The following ROBO2 variants were observed in gnomAD, a reference collection of about 807,000 sequenced individuals.
The protein encoded by ROBO2 is roundabout guidance receptor 2, also known as roundabout homolog 2.
In ROBO2, 53 loss-of-function variants were observed where a neutral mutation model predicts 160.8. The ratio of observed to expected loss-of-function variants is 0.33; its 90% confidence interval spans 0.26 to 0.41. The LOEUF (loss-of-function observed/expected upper bound fraction) is 0.41, where lower values mean the gene tolerates loss of function less well. Among genes scored for constraint, ROBO2 ranks in the 10% least tolerant of loss-of-function variants. The pLI, the probability that ROBO2 is intolerant of heterozygous loss-of-function variation, is 1.00. For synonymous variants in ROBO2, 664 were observed against 611.7 expected, an observed-to-expected ratio of 1.09 and a Z score of -1.26; for missense variants, 1,577 against 1,722.4, an observed-to-expected ratio of 0.92 and a Z score of 1.49.
chr3:77,057,569 A>ATTTTTTTTTTTTTT (rs71104648), intron 1 of ROBO2, among the ~76,000 whole-genome samples: 3 of 105,266 alleles, frequency 2.8e-5, no homozygotes, highest in East Asian at 3.1e-4. Context: ...ATTCCAGAGG[A>ATTTTTTTTTTTTTT]TTTTTTTTTT....
intron 2 of ROBO2, among the ~76,000 whole-genome samples, chr3:76,579,130 A>G (rs1379291258): frequency 2.0e-5 from 3 of 151,908 alleles, no homozygotes; most frequent in Non-Finnish European, 4.4e-5. Flanking sequence ...TCTGCTACTA[A>G]CTCCCTCTGA....
At chr3:76,018,790 G>A (rs1264378744) in intron 2 of ROBO2, among the ~76,000 whole-genome samples, 1 of 151,250 alleles carries the variant, frequency 6.6e-6, no homozygotes, top group Non-Finnish European at 1.5e-5. Flanking sequence ...GCTAATATTT[G>A]CATTGTGGCC....
chr3:76,578,106 TAGAC>T (rs1215604964), intron 2 of ROBO2, among the ~76,000 whole-genome samples: 3 of 152,186 alleles, frequency 2.0e-5, no homozygotes, highest in Non-Finnish European at 4.4e-5. Context: ...CTTGGGAACT[TAGAC>T]AGGTTCACCT....
intron 2 of ROBO2, among the ~76,000 whole-genome samples, chr3:76,294,145 C>T (rs1484356558): frequency 4.6e-5 from 7 of 152,126 alleles, no homozygotes; most frequent in African/African-American, 1.7e-4. Flanking sequence ...GAGTGGGTGC[C>T]GGGAGTCGGG....
chr3:75,907,227 T>C (rs1162658545), intron 1 of ROBO2, among the ~76,000 whole-genome samples: 1 of 152,196 alleles, frequency 6.6e-6, no homozygotes, highest in African/African-American at 2.4e-5. Context: ...TATGTGTTTC[T>C]AGACAAGCTT....
intron 2 of ROBO2, among the ~76,000 whole-genome samples, chr3:77,230,025 T>G (rs2086971675): frequency 6.6e-6 from 1 of 152,162 alleles, no homozygotes; most frequent in African/African-American, 2.4e-5. Context: ...CTTTATTAAG[T>G]GATTTTCTCT....
At chr3:76,523,628 ACATTCTCT>A (rs2081764510) in intron 2 of ROBO2, among the ~76,000 whole-genome samples, 3 of 152,052 alleles carry the variant, frequency 2.0e-5, no homozygotes. Flanking sequence ...TACAGCTTCC[ACATTCTCT>A]CATTATCTCA....
chr3:76,692,335 A>C (rs1242964219), intron 2 of ROBO2, among the ~76,000 whole-genome samples: 1 of 152,150 alleles, frequency 6.6e-6, no homozygotes, highest in East Asian at 1.9e-4. Flanking sequence ...GATTAACCCC[A>C]AAACCTAAAA....
chr3:77,185,778 C>T (rs543921360), intron 2 of ROBO2, among the ~76,000 whole-genome samples: 144 of 150,160 alleles, frequency 9.6e-4, no homozygotes, highest in Middle Eastern at 3.4e-3. Context: ...CATCAATCAA[C>T]GAGTGAATAA....
chr3:77,292,353 T>C (rs2061400105), intron 2 of ROBO2, among the ~76,000 whole-genome samples: 1 of 149,446 alleles, frequency 6.7e-6, no homozygotes, highest in Admixed American at 6.7e-5. Context: ...TAAAGTAAAA[T>C]TGACGGTTAA....
At chr3:77,485,295 G>A (rs1295597051) in intron 4 of ROBO2, among the ~76,000 whole-genome samples, 1 of 151,962 alleles carries the variant, frequency 6.6e-6, no homozygotes, top group Non-Finnish European at 1.5e-5. Flanking sequence ...CTTTAGTTAG[G>A]GAATTTGACT....
At chr3:77,223,441 C>T (rs2086085815) in intron 2 of ROBO2, among the ~76,000 whole-genome samples, 1 of 152,078 alleles carries the variant, frequency 6.6e-6, no homozygotes, top group Non-Finnish European at 1.5e-5. Context: ...TCAGTTGATG[C>T]ACATTTAATG....
intron 7 of ROBO2, among the ~76,000 whole-genome samples, chr3:77,548,911 G>A (rs2092806282): frequency 6.6e-6 from 1 of 151,862 alleles, no homozygotes; most frequent in African/African-American, 2.4e-5. Flanking sequence ...TTGGGATATT[G>A]GGAAAAAATA....
At chr3:76,551,557 G>A (rs1391006233) in intron 2 of ROBO2, among the ~76,000 whole-genome samples, 4 of 152,098 alleles carry the variant, frequency 2.6e-5, no homozygotes, top group African/African-American at 9.7e-5. Context: ...CACATTGTGG[G>A]CAACGAGAAG....
chr3:77,310,494 A>G (rs1157751355), intron 2 of ROBO2, among the ~76,000 whole-genome samples: 1 of 152,182 alleles, frequency 6.6e-6, no homozygotes, highest in African/African-American at 2.4e-5. Flanking sequence ...TTGAGGATAT[A>G]TAAGAAAAGA....
intron 2 of ROBO2, among the ~76,000 whole-genome samples, chr3:76,250,721 A>G (rs936775473): frequency 2.0e-5 from 3 of 152,070 alleles, no homozygotes; most frequent in Non-Finnish European, 4.4e-5. Context: ...TGCAAATTTT[A>G]AGTACTAATA....
chr3:76,827,244 A>C (rs2066671025), intron 2 of ROBO2, among the ~76,000 whole-genome samples: 1 of 152,200 alleles, frequency 6.6e-6, no homozygotes, highest in African/African-American at 2.4e-5. Context: ...GACTTAACAT[A>C]ATTAACTGAG....
intron 2 of ROBO2, among the ~76,000 whole-genome samples, chr3:77,144,093 G>T (rs1174637236): frequency 6.6e-6 from 1 of 152,114 alleles, no homozygotes; most frequent in Non-Finnish European, 1.5e-5. Flanking sequence ...ATTCCTATCA[G>T]AAAATGCCTT....
At chr3:76,889,840 T>G (rs1422805684) in intron 2 of ROBO2, among the ~76,000 whole-genome samples, 3 of 152,058 alleles carry the variant, frequency 2.0e-5, no homozygotes, top group Non-Finnish European at 4.4e-5. Context: ...TTTAGAGTGG[T>G]CAGGAATATT....
Sources: allele counts gnomAD v4.1 joint callset (sites outside exome capture counted in the v4.1 genomes callset), GRCh38; gene constraint gnomAD v4.1.1; transcripts MANE v1.5; gene names NCBI Gene and HGNC (gene_info 2026-07-23, HGNC 2026-07-21).